DSG1: variants seen among roughly 807,000 people sequenced by gnomAD.
DSG1 encodes desmoglein 1.
Under a neutral mutation model 97.5 loss-of-function variants are expected in DSG1, and 39 were observed. That is an observed-to-expected ratio of 0.40 (90% CI 0.31 to 0.52). The LOEUF is 0.52. DSG1 is among the 20% of genes least tolerant of loss of function. The pLI is 0.53. For synonymous variants in DSG1, 475 were observed against 443.4 expected, an observed-to-expected ratio of 1.07 and a Z score of -0.90; for missense variants, 1,311 against 1,295.4, an observed-to-expected ratio of 1.01 and a Z score of -0.18.
At chr18:31,322,274 A>T (rs1441416745) in intron 1 of DSG1, among the ~76,000 whole-genome samples, 1 of 152,242 alleles carries the variant, frequency 6.6e-6, no homozygotes, top group Non-Finnish European at 1.5e-5. Context: ...AAGATGTCTA[A>T]TCACACACAG....
intron 11 of DSG1, 25 bp downstream of exon 11, chr18:31,340,050 A>G (rs954487216): frequency 2.5e-6 from 4 of 1,608,890 alleles, no homozygotes; most frequent in South Asian, 1.1e-5. Flanking sequence ...AATCCTATGT[A>G]TATGTGTCCC....
chr18:31,324,820 G>C (rs1202954564), intron 1 of DSG1, among the ~76,000 whole-genome samples: 1 of 152,100 alleles, frequency 6.6e-6, no homozygotes, highest in Non-Finnish European at 1.5e-5. Context: ...CTTCCCACTA[G>C]TCCTACCAAC....
chr18:31,354,086 A>G, intron 14 of DSG1: 1 of 554,506 alleles, frequency 1.8e-6, no homozygotes, highest in Non-Finnish European at 3.2e-6. Context: ...TTTTAAAATC[A>G]TAGTATTAGA....
Position 31,340,820 on chromosome 18 carries a change from T to C in DSG1, c.1687+795T>C, listed in dbSNP as rs374880966. Reference sequence around the variant, plus strand: ...CAGGGGCCAGGTCTCAAAGAGATTTTATTTATACTAACACTGCATAGTATT... The same window carrying C: ...CAGGGGCCAGGTCTCAAAGAGATTTCATTTATACTAACACTGCATAGTATT... On this transcript the variant is annotated intron_variant, in intron 11 of 14. Transcript: ENST00000257192. Among the ~76,000 whole-genome samples, 118 of 152,348 alleles carry C rather than the reference T, an allele frequency of 7.7e-4. 3 individuals carry two copies. The South Asian group carries it at 0.02, about 26-fold the overall frequency.
intron 9 of DSG1, 103 bp from the exon 10 acceptor site, chr18:31,338,212 C>G (rs896250058): frequency 8.1e-7 from 1 of 1,231,336 alleles, no homozygotes; most frequent in African/African-American, 1.5e-5. Flanking sequence ...AAAACTGTAT[C>G]TAGGGATTAT....
At chr18:31,348,236 G>C (rs2071859683) in intron 14 of DSG1, among the ~76,000 whole-genome samples, 2 of 148,388 alleles carry the variant, frequency 1.3e-5, no homozygotes, top group Non-Finnish European at 3.0e-5. Flanking sequence ...TTTTGTTCTT[G>C]TGATAGTTTA....
At chr18:31,338,174 T>G in intron 9 of DSG1, 141 bp from the exon 10 acceptor site, 1 of 904,848 alleles carries the variant, frequency 1.1e-6, no homozygotes, top group Non-Finnish European at 1.7e-6. Flanking sequence ...AAGACTGCCC[T>G]GAAAAAAAAT....
Position 31,322,305 on chromosome 18 carries a change from T to C in DSG1, c.48+3957T>C, listed in dbSNP as rs942870169. Among the ~76,000 whole-genome samples, 46 of 152,192 alleles carry C rather than the reference T, an allele frequency of 3.0e-4. 1 individual carries two copies. The highest frequency in any genetic ancestry group is 8.7e-4 in the African/African-American group (36 of 41,462). The stretch of plus-strand genomic sequence containing the variant: ...CACAGCAGAGGTACCACAAGGAAGT[T>C]TCTGGATAGTTTATACAGCTCTTCC... On this transcript the variant is annotated intron_variant, in intron 1 of 14. Coordinates refer to ENST00000257192, the MANE Select transcript of DSG1 (RefSeq NM_001942.4).
At chr18:31,353,926 G>A (rs931313781) in intron 14 of DSG1, 42 of 277,360 alleles carry the variant, frequency 1.5e-4, no homozygotes, top group Admixed American at 1.1e-3. Context: ...GAAATCACCC[G>A]TCTTCTGCGT....
At position 31,354,578 on chromosome 18, in the gene DSG1, T is replaced by C; in HGVS notation, c.2382T>C (p.Ser794=). The change falls in exon 15 of 15, where the codon AGT becomes AGC. Residue 794 remains serine, a synonymous_variant. Transcript: ENST00000257192. ...CTCAGGAAACAGAGCCCGTTGTTAG[T>C]GGACACCCACCAATCTCCCCACATT... ...CLPQETEPVV[S]GHPPISPHFG... 2.5e-6 allele frequency: 4 copies of C among 1,614,152 alleles called. No homozygotes were observed. Among genetic ancestry groups the C allele is most frequent in the Admixed American group, 1.7e-5 (1 of 60,022 alleles).
At chr18:31,354,237 G>A (rs2071930196) in intron 14 of DSG1, 60 bp from the exon 15 acceptor site, 1 of 1,442,262 alleles carries the variant, frequency 6.9e-7, no homozygotes. Context: ...GATAAAGGCT[G>A]TTCTATTATT....
intron 1 of DSG1, among the ~76,000 whole-genome samples, chr18:31,319,777 AATT>A (rs1293447125): frequency 2.0e-5 from 3 of 152,254 alleles, no homozygotes; most frequent in South Asian, 2.1e-4. Flanking sequence ...ATTTATTTCA[AATT>A]AATTATAGCA....
At position 31,354,482 on chromosome 18, in the gene DSG1, C is replaced by A. The variant is rs1288428132; in HGVS notation, c.2286C>A (p.Ser762Arg). The change falls in exon 15 of 15, where the codon AGC (serine) becomes AGA (arginine). Residue 762 changes from serine (S) to arginine (R), a missense_variant. Transcript: ENST00000257192. The stretch of plus-strand genomic sequence containing the variant: ...AATTTAAGAAGTTGGCAGACATCAG[C>A]CTAGGAAAAGAATCATATCCAGACC... ...GPKFKKLADISLGKESYPDLD... is the reference protein window; with the variant it reads ...GPKFKKLADIRLGKESYPDLD... 3.1e-6 allele frequency: 5 copies of A among 1,614,016 alleles called. No individual in the cohort carries two copies. The African/African-American group carries it at 6.7e-5, about 22-fold the overall frequency.
In DSG1 at chr18:31,329,946, C is replaced by T. The variant is rs1162468057; in HGVS notation, c.427C>T (p.Leu143Phe). 2.6e-5 allele frequency: 42 copies of T among 1,613,194 alleles called. No individual in the cohort carries two copies. The highest frequency in any genetic ancestry group is 3.5e-5 in the Non-Finnish European group (41 of 1,179,418). ...CCAAGATTTAGAGAGGCCTCTAGAG[C>T]TCAGAGTCAGGGTTTTGGATATAAA... ...MGQDLERPLE[L>F]RVRVLDINDN... The change falls in exon 5 of 15, where the codon CTC (leucine) becomes TTC (phenylalanine). Residue 143 changes from leucine (L) to phenylalanine (F), a missense_variant. Leu to Phe is a conservative substitution (Grantham distance 22). Around this residue, in one of 3 missense-constraint regions of DSG1, gnomAD observed 259 missense variants for 304.1 expected, o/e 0.85. Transcript: ENST00000257192.
rs2071804486 is a variant in DSG1 at position 31,343,520 on chromosome 18, T to C, written c.1758T>C (p.Val586=). 6.2e-7 allele frequency: 1 copy of C among 1,614,174 alleles called. No homozygotes were observed. Among genetic ancestry groups the C allele is most frequent in the Non-Finnish European group, 8.5e-7 (1 of 1,180,032 alleles). The part of the protein sequence containing the change: ...APRSAAGFEP[V]PECSDGAIHS... ...GTAGTGCAGCTGGCTTTGAGCCTGT[T>C]CCCGAATGTTCAGATGGAGCAATTC... Residue 586 remains valine (V), a synonymous_variant, in exon 12 of 15, where the codon GTT becomes GTC. Coordinates refer to ENST00000257192, the MANE Select transcript of DSG1 (RefSeq NM_001942.4).
At chr18:31,340,071 C>G in intron 11 of DSG1, 46 bp downstream of exon 11, 1 of 1,566,080 alleles carries the variant, frequency 6.4e-7, no homozygotes. Context: ...CCAAAAAATG[C>G]TGGGGGAGGA....
chr18:31,329,925 G>A lies in DSG1; in HGVS notation c.406G>A (p.Asp136Asn). The change falls in exon 5 of 15, where the codon GAT (aspartate) becomes AAT (asparagine). Residue 136 changes from aspartate (D) to asparagine (N), a missense_variant. Coordinates refer to ENST00000257192, the MANE Select transcript of DSG1 (RefSeq NM_001942.4). ...YCRALNSMGQ[D>N]LERPLELRVR... ...CCGAGCTCTGAACTCAATGGGCCAA[G>A]ATTTAGAGAGGCCTCTAGAGCTCAG... 1 of 1,613,308 alleles carries A rather than the reference G, an allele frequency of 6.2e-7. No homozygotes were observed. Among genetic ancestry groups the A allele is most frequent in the Non-Finnish European group, 8.5e-7 (1 of 1,179,376 alleles).
At chr18:31,327,964 A>G (rs1000688165) in intron 3 of DSG1, among the ~76,000 whole-genome samples, 1 of 152,096 alleles carries the variant, frequency 6.6e-6, no homozygotes, top group African/African-American at 2.4e-5. Context: ...GCATTTTTTC[A>G]TGTTTCATAG....
chr18:31,353,855 C>A (rs1368925785), intron 14 of DSG1: 4 of 242,078 alleles, frequency 1.7e-5, no homozygotes, highest in Non-Finnish European at 3.2e-5. Flanking sequence ...CACCCACTGA[C>A]CTGCACCCAC....
Sources: allele counts gnomAD v4.1 joint callset (sites outside exome capture counted in the v4.1 genomes callset), GRCh38; gene constraint gnomAD v4.1.1; regional missense constraint gnomAD v4.1.1; transcripts MANE v1.5; gene names NCBI Gene and HGNC (gene_info 2026-07-23, HGNC 2026-07-21).